FBXO36: variants seen among roughly 807,000 people sequenced by gnomAD.
FBXO36 encodes the protein F-box protein 36, also known as F-box only protein 36.
In FBXO36, 18 loss-of-function variants were observed where a neutral mutation model predicts 17.0. That is an observed-to-expected ratio of 1.06 (90% CI 0.73 to 1.57). The LOEUF (loss-of-function observed/expected upper bound fraction) is 1.57. Ranked by LOEUF, FBXO36 falls within the 40% of genes most tolerant of loss-of-function variation. The pLI is 0.00. For synonymous variants in FBXO36, 83 were observed against 85.3 expected (o/e 0.97, Z 0.15); for missense variants, 229 against 221.9 (o/e 1.03, Z -0.20).
chr2:229,976,217 A>G, intron 1 of FBXO36, 24 bp from the exon 2 acceptor site: 1 of 1,541,596 alleles, frequency 6.5e-7, no homozygotes, highest in Non-Finnish European at 8.8e-7. Flanking sequence ...ATTTTAATTC[A>G]TATCACTTTG....
At chr2:229,959,706 C>T (rs6723166) in intron 1 of FBXO36, among the ~76,000 whole-genome samples, 6,112 of 151,862 alleles carry the variant, frequency 0.04, 420 homozygotes, top group African/African-American at 0.14. Context: ...ATTAGCTGAG[C>T]GTGGTGGTGG....
chr2:229,965,713 T>C (rs2077148856), intron 1 of FBXO36, among the ~76,000 whole-genome samples: 1 of 152,212 alleles, frequency 6.6e-6, no homozygotes, highest in Non-Finnish European at 1.5e-5. Context: ...ACTCATCATT[T>C]TTATGGCTGC....
At chr2:229,936,870 CAAAAAT>C (rs1399985864) in intron 1 of FBXO36, among the ~76,000 whole-genome samples, 2 of 151,902 alleles carry the variant, frequency 1.3e-5, no homozygotes, top group African/African-American at 2.4e-5. Flanking sequence ...GACCTTGTCT[CAAAAAT>C]AAAAAAGATT....
intron 2 of FBXO36, among the ~76,000 whole-genome samples, chr2:229,980,849 C>T (rs1185418149): frequency 6.6e-6 from 1 of 152,104 alleles, no homozygotes; most frequent in African/African-American, 2.4e-5. Context: ...AGTCTCGGGG[C>T]TGCCAGGTGG....
intron 1 of FBXO36, among the ~76,000 whole-genome samples, chr2:229,961,108 C>CA (rs1237363563): frequency 1.2e-3 from 169 of 138,590 alleles, no homozygotes; most frequent in Middle Eastern, 0.011. Context: ...GACTCCATCT[C>CA]AAAAAAAAAA....
chr2:229,929,983 G>T (rs1357882070), intron 1 of FBXO36, among the ~76,000 whole-genome samples: 1 of 152,174 alleles, frequency 6.6e-6, no homozygotes, highest in Non-Finnish European at 1.5e-5. Flanking sequence ...AATTCCAAAA[G>T]TCAGTATCAT....
At chr2:230,003,249 A>G (rs375737057) in intron 3 of FBXO36, among the ~76,000 whole-genome samples, 2 of 150,044 alleles carry the variant, frequency 1.3e-5, no homozygotes, top group Non-Finnish European at 3.0e-5. Flanking sequence ...TTTTTTATGA[A>G]GTGGTGGCAA....
chr2:229,995,561 CCTTT>C (rs71049610), intron 2 of FBXO36, among the ~76,000 whole-genome samples: 30,859 of 139,062 alleles, frequency 0.22, 4,318 homozygotes, highest in Middle Eastern at 0.34. Flanking sequence ...TTCTTTCCTT[CCTTT>C]CTTTCTTTCT....
At chr2:229,938,438 T>C (rs1316197572) in intron 1 of FBXO36, among the ~76,000 whole-genome samples, 2 of 148,482 alleles carry the variant, frequency 1.3e-5, no homozygotes, top group African/African-American at 2.5e-5. Flanking sequence ...GTTGTAGAGA[T>C]GGCGTGAGCC....
At chr2:229,973,956 G>T (rs1017391605) in intron 1 of FBXO36, among the ~76,000 whole-genome samples, 7 of 151,476 alleles carry the variant, frequency 4.6e-5, no homozygotes, top group Admixed American at 4.0e-4. Context: ...AGGCTGAGAT[G>T]AGAGAATCAC....
At chr2:230,005,534 A>T (rs2077382746) in intron 3 of FBXO36, among the ~76,000 whole-genome samples, 1 of 152,222 alleles carries the variant, frequency 6.6e-6, no homozygotes, top group Admixed American at 6.5e-5. Context: ...AAATACTCAA[A>T]GAAATATATT....
chr2:230,007,099 G>A (rs930900677), intron 3 of FBXO36, among the ~76,000 whole-genome samples: 9 of 152,240 alleles, frequency 5.9e-5, no homozygotes, highest in African/African-American at 1.9e-4. Context: ...GGCCAGTCTC[G>A]GACTGAGACA....
chr2:229,939,418 G>A, intron 1 of FBXO36: 1 of 303,682 alleles, frequency 3.3e-6, no homozygotes, highest in Non-Finnish European at 4.8e-6. Flanking sequence ...AACCTGGCCA[G>A]CACGGTGAAA....
chr2:229,922,674 C>T, intron 1 of FBXO36, 65 bp downstream of exon 1: 2 of 1,543,414 alleles, frequency 1.3e-6, no homozygotes, highest in South Asian at 2.3e-5. Flanking sequence ...GGGCCCGGGA[C>T]GCAGGCTGTG....
intron 3 of FBXO36, among the ~76,000 whole-genome samples, 184 bp downstream of exon 3, chr2:229,997,107 T>C (rs1387091034): frequency 6.6e-6 from 1 of 152,024 alleles, no homozygotes; most frequent in African/African-American, 2.4e-5. Flanking sequence ...TAGAGATTCA[T>C]GTAAATGCAA....
intron 1 of FBXO36, among the ~76,000 whole-genome samples, chr2:229,938,061 G>A (rs553925821): frequency 2.0e-4 from 30 of 152,076 alleles, no homozygotes; most frequent in Non-Finnish European, 3.7e-4. Context: ...TCTGCCTCCT[G>A]GGTTCATGTG....
intron 1 of FBXO36, among the ~76,000 whole-genome samples, chr2:229,948,236 G>A (rs984866455): frequency 1.3e-5 from 2 of 152,164 alleles, no homozygotes; most frequent in African/African-American, 2.4e-5. Flanking sequence ...CTTTTGGGGA[G>A]AAATGTACAT....
intron 1 of FBXO36, among the ~76,000 whole-genome samples, chr2:229,951,870 A>T (rs1560438019): frequency 1.3e-5 from 2 of 152,230 alleles, no homozygotes; most frequent in South Asian, 4.1e-4. Context: ...ATTCCAATTT[A>T]GCTTAAACAC....
intron 2 of FBXO36, among the ~76,000 whole-genome samples, chr2:229,987,198 C>T (rs1159618760): frequency 2.1e-5 from 3 of 145,404 alleles, no homozygotes; most frequent in South Asian, 2.2e-4. Context: ...GGCAACAGAG[C>T]GAGACTCCAT....
Sources: allele counts gnomAD v4.1 joint callset (sites outside exome capture counted in the v4.1 genomes callset), GRCh38; gene constraint gnomAD v4.1.1; transcripts MANE v1.5; gene names NCBI Gene and HGNC (gene_info 2026-07-23, HGNC 2026-07-21).